Variants in NOC3L observed in about 807,000 individuals in gnomAD.
NOC3L encodes nucleolar complex protein 3 homolog.
A neutral mutation model predicts 102.5 loss-of-function variants in NOC3L; 85 were observed. The ratio of observed to expected loss-of-function variants is 0.83; its 90% CI spans 0.70 to 0.99. The LOEUF (loss-of-function observed/expected upper bound fraction) is 0.99. Among genes scored for constraint, NOC3L ranks in the 50% least tolerant of loss-of-function variants. NOC3L has a pLI of 0.00. For synonymous variants in NOC3L, 303 were observed against 309.4 expected (o/e 0.98, Z 0.22); for missense variants, 878 against 914.9 (o/e 0.96, Z 0.52).
chr10:94,356,905 A>G (rs2054493079), intron 4 of NOC3L, among the ~76,000 whole-genome samples: 1 of 152,206 alleles, frequency 6.6e-6, no homozygotes, highest in Admixed American at 6.5e-5. Flanking sequence ...CTAATCAAGA[A>G]CAGTTAATAT....
chr10:94,360,267 G>A (rs923166390), intron 2 of NOC3L, among the ~76,000 whole-genome samples: 4 of 152,042 alleles, frequency 2.6e-5, no homozygotes, highest in African/African-American at 4.8e-5. Context: ...AGTGAGCCGG[G>A]ATCGTGCCAC....
chr10:94,353,073 C>G lies in NOC3L; in HGVS notation c.697-16G>C, dbSNP rs1296833429. 6.3e-7 allele frequency: 1 copy of G among 1,579,184 alleles called. No individual in the cohort carries two copies. The highest frequency in any genetic ancestry group is 1.4e-5 in the African/African-American group (1 of 73,028). Reference sequence around the variant, plus strand: ...ATTTTTTAATCTGTTAAAGAAATAGCTTATAAAGCTGGAGAAATCATGACG... The same window carrying G: ...ATTTTTTAATCTGTTAAAGAAATAGGTTATAAAGCTGGAGAAATCATGACG... On this transcript the variant is annotated splice_polypyrimidine_tract_variant and intron_variant, in intron 6 of 20. Transcript: ENST00000371361.
At chr10:94,336,350 TTC>T (rs755588471) in intron 19 of NOC3L, among the ~76,000 whole-genome samples, 5 of 150,236 alleles carry the variant, frequency 3.3e-5, no homozygotes, top group African/African-American at 1.3e-4. Flanking sequence ...GAAAATAAAT[TTC>T]TGTTTTTTTT....
chr10:94,344,752 G>T, intron 12 of NOC3L, 101 bp downstream of exon 12: 3 of 1,036,228 alleles, frequency 2.9e-6, no homozygotes, highest in Non-Finnish European at 4.2e-6. Context: ...TAAGCCTCAT[G>T]AAAGAAACCA....
At chr10:94,362,449 G>A (rs1295530446) in intron 1 of NOC3L, among the ~76,000 whole-genome samples, 1 of 152,096 alleles carries the variant, frequency 6.6e-6, no homozygotes. Flanking sequence ...TTATTTTCTG[G>A]GAGAACCAGG....
intron 10 of NOC3L, among the ~76,000 whole-genome samples, chr10:94,348,554 A>G (rs1196257414): frequency 6.6e-6 from 1 of 152,114 alleles, no homozygotes; most frequent in African/African-American, 2.4e-5. Context: ...ACAAGTCATT[A>G]AGACAATTAC....
At position 94,334,147 on chromosome 10, in the gene NOC3L, A is replaced by C; in HGVS notation, c.*30T>G. ...TATGTACATCTGCACACACAAATAT[A>C]CAAGAAAGTCCACTGACTTCATTCC... On this transcript the variant is annotated 3_prime_UTR_variant, in exon 21 of 21. Coordinates refer to ENST00000371361, the MANE Select transcript of NOC3L (RefSeq NM_022451.11). 1 of 993,584 alleles carries C rather than the reference A, an allele frequency of 1.0e-6. No individual in the cohort carries two copies. Among genetic ancestry groups the C allele is most frequent in the Non-Finnish European group, 1.6e-6 (1 of 629,182 alleles). The allele number at this position is 993,584 out of a possible 1,614,324, so 61.5% of individuals were successfully genotyped here.
At chr10:94,342,449 A>G (rs760721394) in intron 13 of NOC3L, among the ~76,000 whole-genome samples, 2 of 152,098 alleles carry the variant, frequency 1.3e-5, no homozygotes, top group Non-Finnish European at 2.9e-5. Flanking sequence ...TATTCCATGC[A>G]TATCGGTACA....
chr10:94,331,378 C>T (rs991795383), downstream of NOC3L: 5 of 152,186 alleles, frequency 3.3e-5, no homozygotes, highest in African/African-American at 1.2e-4. Context: ...AGACTTCTGT[C>T]CTCTGCCCAG....
the NOC3L span, chr10:94,324,868 A>G: frequency 7.4e-6 from 12 of 1,610,768 alleles, no homozygotes; most frequent in Admixed American, 1.7e-5. Context: ...CCTAACACCA[A>G]TGGAAGGTTC....
intron 13 of NOC3L, among the ~76,000 whole-genome samples, chr10:94,343,358 T>TAA (rs1416236181): frequency 6.6e-6 from 1 of 152,080 alleles, no homozygotes; most frequent in Non-Finnish European, 1.5e-5. Context: ...GCCTGGGCAA[T>TAA]ATGGTGAGAG....
intron 18 of NOC3L, 89 bp from the exon 19 acceptor site, chr10:94,337,963 T>G: frequency 1.0e-6 from 1 of 975,874 alleles, no homozygotes; most frequent in Non-Finnish European, 1.6e-6. Flanking sequence ...TAAATAAAAT[T>G]ACACCAAATT....
downstream of NOC3L, chr10:94,329,196 C>T (rs1193011219): frequency 6.6e-6 from 1 of 152,168 alleles, no homozygotes; most frequent in Non-Finnish European, 1.5e-5. Flanking sequence ...TCATACTTGC[C>T]ATTTAATGTA....
At chr10:94,318,908 C>G in the NOC3L span, among the ~76,000 whole-genome samples, 1 of 152,098 alleles carries the variant, frequency 6.6e-6, no homozygotes, top group Admixed American at 6.5e-5. Context: ...ATTAGCAGGG[C>G]GTGGTAGCAG....
the NOC3L span, chr10:94,316,521 TCA>T: frequency 2.0e-6 from 3 of 1,502,400 alleles, no homozygotes; most frequent in African/African-American, 1.4e-5. Context: ...GCCTCACTCC[TCA>T]GTTTGCCTTC....
In NOC3L at chr10:94,349,275, C is replaced by T. The variant is rs1009852562; in HGVS notation, c.1232G>A (p.Gly411Asp). 1 of 1,575,886 alleles carries T rather than the reference C, an allele frequency of 6.3e-7. No homozygotes were observed. Among genetic ancestry groups the T allele is most frequent in the Non-Finnish European group, 8.6e-7 (1 of 1,168,328 alleles). The change falls in exon 10 of 21, where the codon GGC becomes GAC. Residue 411 changes from glycine to aspartate, a missense_variant. Gly to Asp is a moderately conservative substitution (Grantham distance 94). Transcript: ENST00000371361. Reference protein sequence around the residue: ...VIKVISGFVKGRNYEVRPEML... With the variant: ...VIKVISGFVKDRNYEVRPEML... ...CTCTGGCCTAACTTCGTAATTTCTG[C>T]CCTTCACAAAACCAGAAATCACTTT...
intron 5 of NOC3L, among the ~76,000 whole-genome samples, chr10:94,355,696 C>G (rs777365780): frequency 1.2e-4 from 19 of 152,082 alleles, no homozygotes; most frequent in Non-Finnish European, 1.5e-5. Flanking sequence ...GCCTAGAGCT[C>G]ATATTCTTAG....
chr10:94,345,454 T>C (rs763815354), intron 11 of NOC3L, among the ~76,000 whole-genome samples: 4 of 152,150 alleles, frequency 2.6e-5, no homozygotes, highest in South Asian at 2.1e-4. Context: ...ATATCCTTTT[T>C]TTTCTACTAC....
chr10:94,350,419 A>G, intron 8 of NOC3L, 131 bp from the exon 9 acceptor site: 2 of 783,536 alleles, frequency 2.6e-6, no homozygotes, highest in Non-Finnish European at 2.1e-6. Flanking sequence ...CCTTAAAAAA[A>G]GACTTCATAT....
Sources: gnomAD v4.1 joint callset for allele counts (sites outside exome capture counted in the v4.1 genomes callset) on GRCh38, gnomAD v4.1.1 for gene constraint, MANE v1.5 for transcripts, NCBI Gene and HGNC (gene_info 2026-07-23, HGNC 2026-07-21) for gene names.